CMIP: variants seen among roughly 807,000 people sequenced by gnomAD.
CMIP encodes the protein c-Maf inducing protein.
In CMIP, 13 loss-of-function variants were observed where a neutral mutation model predicts 97.3. That is an observed-to-expected ratio of 0.13 (90% CI 0.09 to 0.21). CMIP has a LOEUF of 0.21. CMIP is among the 10% of genes least tolerant of loss of function. The pLI is 1.00. For synonymous variants in CMIP, 538 were observed against 436.3 expected, an observed-to-expected ratio of 1.23 and a Z score of -2.91; for missense variants, 847 against 1,024.9, an observed-to-expected ratio of 0.83 and a Z score of 2.37.
chr16:81,635,529 A>G (rs2092223048), intron 3 of CMIP, among the ~76,000 whole-genome samples: 1 of 152,208 alleles, frequency 6.6e-6, no homozygotes. Flanking sequence ...AGACATAAGT[A>G]TTATGCAGTG....
At chr16:81,677,297 G>A (rs1248492854) in intron 9 of CMIP, among the ~76,000 whole-genome samples, 3 of 152,168 alleles carry the variant, frequency 2.0e-5, no homozygotes, top group Non-Finnish European at 4.4e-5. Context: ...TCCCATCTCC[G>A]TCGACTCATG....
chr16:81,559,011 C>T (rs1469704712), intron 1 of CMIP, among the ~76,000 whole-genome samples: 2 of 152,310 alleles, frequency 1.3e-5, no homozygotes, highest in East Asian at 1.9e-4. Context: ...CGCATTACCC[C>T]GTGTTTGTGA....
intron 1 of CMIP, among the ~76,000 whole-genome samples, chr16:81,492,267 C>G (rs905246394): frequency 1.3e-5 from 2 of 152,190 alleles, no homozygotes; most frequent in Non-Finnish European, 2.9e-5. Flanking sequence ...CTGCCATGTC[C>G]TCTCCGGGTG....
chr16:81,464,375 G>C lies in CMIP; in HGVS notation c.300+18834G>C, dbSNP rs562155480. 7 of 152,356 alleles carry C rather than the reference G, an allele frequency of 4.6e-5. No individual in the cohort carries two copies. In the South Asian group the frequency reaches 8.3e-4, roughly 18 times the overall value. The allele number at this position is 152,356 out of a possible 1,614,324, so 9.4% of individuals were successfully genotyped here. A position where few individuals can be genotyped will look rare whatever the true frequency, so the allele number is the denominator to read the frequency against. On this transcript the variant is annotated intron_variant, in intron 1 of 20. Coordinates refer to ENST00000537098, the MANE Select transcript of CMIP (RefSeq NM_198390.3). ...CCTTGATTTCACAGTTGGCGAAACT[G>C]AGGCCCAGGTAGAGAGACTGCCCCA...
chr16:81,448,183 A>G (rs913112767), intron 1 of CMIP, among the ~76,000 whole-genome samples: 1 of 152,106 alleles, frequency 6.6e-6, no homozygotes, highest in African/African-American at 2.4e-5. Flanking sequence ...TTGAAATATC[A>G]GTCATCCATA....
intron 4 of CMIP, among the ~76,000 whole-genome samples, chr16:81,654,363 C>T (rs934421623): frequency 2.0e-5 from 3 of 152,210 alleles, no homozygotes; most frequent in African/African-American, 7.2e-5. Flanking sequence ...TGAGCCACCA[C>T]ACCTAGGACC....
At chr16:81,560,650 C>T (rs1232268642) in intron 1 of CMIP, among the ~76,000 whole-genome samples, 1 of 152,214 alleles carries the variant, frequency 6.6e-6, no homozygotes, top group Admixed American at 6.5e-5. Flanking sequence ...AGAACAGCTT[C>T]CAGTCCTGTA....
At chr16:81,511,798 G>C (rs1184829112) in intron 1 of CMIP, among the ~76,000 whole-genome samples, 1 of 152,158 alleles carries the variant, frequency 6.6e-6, no homozygotes, top group African/African-American at 2.4e-5. Context: ...CTGGGCTCAA[G>C]TGATCTGCCC....
intron 1 of CMIP, chr16:81,495,380 T>G: frequency 6.5e-7 from 1 of 1,535,594 alleles, no homozygotes; most frequent in South Asian, 1.2e-5. Flanking sequence ...GTGCATGGCA[T>G]AACCGTTTGA....
At chr16:81,661,001 G>T (rs1268666570) in intron 6 of CMIP, 55 bp downstream of exon 6, 2 of 1,604,480 alleles carry the variant, frequency 1.2e-6, no homozygotes, top group East Asian at 4.5e-5. Context: ...CCCTCTGTGC[G>T]CATACCAGGG....
intron 7 of CMIP, chr16:81,665,692 C>T (rs750452429): frequency 1.3e-5 from 2 of 151,864 alleles, no homozygotes; most frequent in Non-Finnish European, 2.9e-5. Flanking sequence ...TGCCTGTCTC[C>T]ACACCATGCC....
At chr16:81,466,109 A>G (rs1907191362) in intron 1 of CMIP, among the ~76,000 whole-genome samples, 1 of 151,804 alleles carries the variant, frequency 6.6e-6, no homozygotes, top group South Asian at 2.1e-4. Flanking sequence ...CACCTAGGCT[A>G]GAGTTCAGTG....
intron 19 of CMIP, among the ~76,000 whole-genome samples, chr16:81,706,658 G>GA (rs1555554824): frequency 1.3e-5 from 2 of 152,220 alleles, no homozygotes; most frequent in Non-Finnish European, 2.9e-5. Context: ...ACGACGGGGG[G>GA]ACCATCCGGG....
At chr16:81,582,360 G>A (rs1221824370) in intron 1 of CMIP, among the ~76,000 whole-genome samples, 1 of 152,124 alleles carries the variant, frequency 6.6e-6, no homozygotes, top group East Asian at 1.9e-4. Context: ...AGCGTGACAG[G>A]GCCAAGGCAG....
intron 2 of CMIP, among the ~76,000 whole-genome samples, chr16:81,617,973 T>C (rs34339547): frequency 0.31 from 47,188 of 152,144 alleles, 8,573 homozygotes; most frequent in Non-Finnish European, 0.41. Context: ...TTTTTGTCTT[T>C]GCTTGGCCGT....
Position 81,445,325 on chromosome 16 carries a change from G to C in CMIP, c.84G>C (p.Ser28=). Residue 28 remains serine (S), a synonymous_variant, in exon 1 of 21, where the codon TCG becomes TCC. Transcript: ENST00000537098. Reference sequence around the variant, plus strand: ...AGCCGCTGCTGGGGGGCGACGTGTCGGCCCCCGAAGGCACGAAGATGGGCG... The same window carrying C: ...AGCCGCTGCTGGGGGGCGACGTGTCCGCCCCCGAAGGCACGAAGATGGGCG... The part of the protein sequence containing the change: ...ETKPLLGGDV[S]APEGTKMGAV... The C allele has an allele frequency of 1.3e-6, 2 of 1,585,754 alleles. No individual in the cohort carries two copies. Among genetic ancestry groups the C allele is most frequent in the Non-Finnish European group, 1.7e-6 (2 of 1,167,318 alleles).
chr16:81,452,011 G>A (rs1026258504), intron 1 of CMIP, among the ~76,000 whole-genome samples: 4 of 152,252 alleles, frequency 2.6e-5, no homozygotes, highest in Admixed American at 2.0e-4. Flanking sequence ...TGAGACGTGC[G>A]TGTGGGGGAG....
At chr16:81,620,963 A>G (rs1177725675) in intron 3 of CMIP, 37 bp downstream of exon 3, 3 of 1,612,086 alleles carry the variant, frequency 1.9e-6, no homozygotes, top group Admixed American at 3.3e-5. Context: ...AAAGCGACTC[A>G]GGCAGTGGTG....
At chr16:81,695,801 T>G (rs960450016) in intron 13 of CMIP, 6 of 152,976 alleles carry the variant, frequency 3.9e-5, no homozygotes, top group African/African-American at 1.4e-4. Flanking sequence ...GCTGTGCTTT[T>G]GGCACTGAAA....
Sources: allele counts gnomAD v4.1 joint callset (sites outside exome capture counted in the v4.1 genomes callset), GRCh38; gene constraint gnomAD v4.1.1; transcripts MANE v1.5; gene names NCBI Gene and HGNC (gene_info 2026-07-23, HGNC 2026-07-21).